SLCO1A2: variants seen among roughly 807,000 people sequenced by gnomAD.
SLCO1A2 encodes the protein OATP-1.
A neutral mutation model predicts 69.0 loss-of-function variants in SLCO1A2; 67 were observed. That is an observed-to-expected ratio of 0.97 (90% CI 0.80 to 1.19). The LOEUF (loss-of-function observed/expected upper bound fraction) is 1.19, where lower values mean the gene tolerates loss of function less well. Among genes scored for constraint, SLCO1A2 ranks in the 50% most tolerant of loss-of-function variants. The pLI is 0.00. For synonymous variants in SLCO1A2, 260 were observed against 265.9 expected, an observed-to-expected ratio of 0.98 and a Z score of 0.22; for missense variants, 787 against 793.7, an observed-to-expected ratio of 0.99 and a Z score of 0.10.
chr12:21,348,865 A>G (rs543599391), intron 2 of SLCO1A2, among the ~76,000 whole-genome samples: 3 of 152,338 alleles, frequency 2.0e-5, no homozygotes, highest in Non-Finnish European at 4.4e-5. Flanking sequence ...CATTTGTCCA[A>G]ACCCACAGAC....
At chr12:21,321,318 G>A (rs889988849) in intron 2 of SLCO1A2, among the ~76,000 whole-genome samples, 18 of 152,154 alleles carry the variant, frequency 1.2e-4, no homozygotes, top group African/African-American at 4.3e-4. Context: ...GCTCATCCAT[G>A]CTTTTAACTA....
At chr12:21,365,896 A>G (rs1049082710) in intron 2 of SLCO1A2, among the ~76,000 whole-genome samples, 54 of 152,178 alleles carry the variant, frequency 3.5e-4, no homozygotes, top group Admixed American at 1.0e-3. Context: ...AAGTCAGGAA[A>G]CAACAGGTGC....
intron 1 of SLCO1A2, chr12:21,378,159 A>G (rs1940342979): frequency 7.7e-7 from 1 of 1,298,998 alleles, no homozygotes; most frequent in Non-Finnish European, 1.1e-6. Context: ...TCATCAATAC[A>G]AGATATTTGA....
chr12:21,413,146 A>G (rs1374636091), intron 1 of SLCO1A2, among the ~76,000 whole-genome samples: 7 of 148,784 alleles, frequency 4.7e-5, no homozygotes, highest in Non-Finnish European at 7.4e-5. Context: ...TTCTTCCTAT[A>G]TTATTTGTGC....
intron 8 of SLCO1A2, among the ~76,000 whole-genome samples, chr12:21,300,064 G>T (rs1948507429): frequency 6.7e-6 from 1 of 149,598 alleles, no homozygotes; most frequent in Non-Finnish European, 1.5e-5. Flanking sequence ...ACATATATAT[G>T]TGTGTGTATA....
intron 2 of SLCO1A2, among the ~76,000 whole-genome samples, chr12:21,322,894 A>G (rs1160156272): frequency 3.3e-5 from 5 of 152,120 alleles, no homozygotes; most frequent in Non-Finnish European, 1.5e-5. Context: ...TCCACCTAAG[A>G]TTTGCCAGAG....
At chr12:21,388,107 T>C (rs935596492) in intron 1 of SLCO1A2, among the ~76,000 whole-genome samples, 1 of 152,208 alleles carries the variant, frequency 6.6e-6, no homozygotes, top group Admixed American at 6.5e-5. Flanking sequence ...ACCCCTATTG[T>C]ATCTAGGAAG....
At chr12:21,348,912 G>A (rs1476326584) in intron 2 of SLCO1A2, among the ~76,000 whole-genome samples, 1 of 152,044 alleles carries the variant, frequency 6.6e-6, no homozygotes, top group Admixed American at 6.6e-5. Flanking sequence ...TGTAAACTAC[G>A]GCCTTCGGGT....
chr12:21,308,672 TGG>T (rs1949730586), intron 4 of SLCO1A2, among the ~76,000 whole-genome samples: 1 of 152,232 alleles, frequency 6.6e-6, no homozygotes, highest in Non-Finnish European at 1.5e-5. Flanking sequence ...TCCATTTGGC[TGG>T]TAGCTAAGCT....
intron 1 of SLCO1A2, among the ~76,000 whole-genome samples, chr12:21,391,147 G>T (rs1205683726): frequency 6.6e-6 from 1 of 152,064 alleles, no homozygotes; most frequent in East Asian, 1.9e-4. Context: ...TGACATTATA[G>T]TTCATACTGA....
Position 21,301,275 on chromosome 12 carries a change from A to G in SLCO1A2, c.590-6T>C. On this transcript the variant is annotated splice_polypyrimidine_tract_variant and splice_region_variant and intron_variant, in intron 6 of 14. Transcript: ENST00000683939. ...AGCTCCTGTTTCTACAAGCCCTAAAAATAAATAAAAGTATAAGGTTATAGT... is the reference window on the plus strand; with the variant it reads ...AGCTCCTGTTTCTACAAGCCCTAAAGATAAATAAAAGTATAAGGTTATAGT... 6.3e-7 allele frequency: 1 copy of G among 1,595,798 alleles called. No individual in the cohort carries two copies. The highest frequency in any genetic ancestry group is 8.6e-7 in the Non-Finnish European group (1 of 1,166,596).
intron 1 of SLCO1A2, among the ~76,000 whole-genome samples, chr12:21,416,721 G>A (rs1358198795): frequency 2.6e-5 from 4 of 151,922 alleles, no homozygotes; most frequent in African/African-American, 4.8e-5. Context: ...TGAACAAAGG[G>A]CCCCACATTT....
intron 6 of SLCO1A2, among the ~76,000 whole-genome samples, chr12:21,301,690 C>G (rs1396043703): frequency 6.6e-6 from 1 of 152,182 alleles, no homozygotes; most frequent in Non-Finnish European, 1.5e-5. Context: ...AAAAGTTTCA[C>G]TCTCAGATCT....
chr12:21,412,297 C>T (rs1941919859), intron 1 of SLCO1A2, among the ~76,000 whole-genome samples: 1 of 152,056 alleles, frequency 6.6e-6, no homozygotes, highest in Middle Eastern at 3.4e-3. Context: ...GGGAGAATCG[C>T]TTGAACCTGG....
At chr12:21,350,217 A>G (rs1274317404) in intron 2 of SLCO1A2, among the ~76,000 whole-genome samples, 3 of 152,054 alleles carry the variant, frequency 2.0e-5, no homozygotes, top group Non-Finnish European at 2.9e-5. Flanking sequence ...AGACTTATGT[A>G]TATAGTCTTA....
At chr12:21,364,819 C>A (rs1354739875) in intron 2 of SLCO1A2, among the ~76,000 whole-genome samples, 1 of 152,062 alleles carries the variant, frequency 6.6e-6, no homozygotes, top group African/African-American at 2.4e-5. Context: ...GAATAAAATA[C>A]CTAGGAATCC....
At chr12:21,301,408 C>G (rs1948695852) in intron 6 of SLCO1A2, 139 bp from the exon 7 acceptor site, 1 of 468,522 alleles carries the variant, frequency 2.1e-6, no homozygotes, top group South Asian at 4.3e-5. Context: ...TGAAGTTAAG[C>G]TTGATGTACA....
intron 12 of SLCO1A2, among the ~76,000 whole-genome samples, chr12:21,291,391 T>C (rs1382270576): frequency 6.6e-6 from 1 of 152,110 alleles, no homozygotes; most frequent in Non-Finnish European, 1.5e-5. Context: ...AAGTAGGGAA[T>C]TGAATAGAAA....
intron 2 of SLCO1A2, among the ~76,000 whole-genome samples, chr12:21,354,304 G>A: frequency 6.6e-6 from 1 of 152,114 alleles, no homozygotes; most frequent in South Asian, 2.1e-4. Flanking sequence ...CATGTGTTTA[G>A]TAAAAGCCAG....
Sources: allele counts gnomAD v4.1 joint callset (sites outside exome capture counted in the v4.1 genomes callset), GRCh38; gene constraint gnomAD v4.1.1; transcripts MANE v1.5; gene names NCBI Gene and HGNC (gene_info 2026-07-23, HGNC 2026-07-21).